Variants in OCM2 observed in about 807,000 individuals in gnomAD.
OCM2 encodes the protein oncomodulin-2.
Under a neutral mutation model 13.6 loss-of-function variants are expected in OCM2, and 6 were observed. That is an observed-to-expected ratio of 0.44 (90% CI 0.24 to 0.87). The LOEUF (loss-of-function observed/expected upper bound fraction) is 0.87, where lower values mean the gene tolerates loss of function less well. Ranked by LOEUF, OCM2 falls within the 40% of genes least tolerant of loss-of-function variation. The probability of loss-of-function intolerance (pLI) is 0.22; values close to 1 mark genes in which losing one functional copy is unlikely to be tolerated. For missense variants in OCM2, 118 were observed against 136.8 expected (o/e 0.86, Z 0.68); for synonymous variants, 40 against 50.7 (o/e 0.79, Z 0.90).
intron 1 of OCM2, among the ~76,000 whole-genome samples, 181 bp from the exon 2 acceptor site, chr7:97,988,729 G>A (rs1182148690): frequency 6.6e-6 from 1 of 151,136 alleles, no homozygotes; most frequent in East Asian, 1.9e-4. Flanking sequence ...GGCATCCCAT[G>A]TCCCCTCCGC....
chr7:97,985,635 C>G (rs1157831878), intron 3 of OCM2, among the ~76,000 whole-genome samples: 2 of 152,164 alleles, frequency 1.3e-5, no homozygotes, highest in African/African-American at 4.8e-5. Flanking sequence ...CTGTGACCAT[C>G]TGTGAACATT....
chr7:97,986,926 G>T, intron 3 of OCM2, 121 bp downstream of exon 3: 1 of 1,484,542 alleles, frequency 6.7e-7, no homozygotes, highest in Non-Finnish European at 9.1e-7. Flanking sequence ...TGAGAAGACT[G>T]AGGCTCGGTA....
At chr7:97,989,754 G>A (rs1214135786) in intron 1 of OCM2, among the ~76,000 whole-genome samples, 5 of 151,074 alleles carry the variant, frequency 3.3e-5, no homozygotes, top group African/African-American at 1.2e-4. Context: ...AAAAGGCCGG[G>A]TTCAAGCAAT....
Position 97,990,030 on chromosome 7 carries a change from C to CCCCACCCCACAAACA in OCM2, c.61+13_61+14insTGTTTGTGGGGTGGG. On this transcript the variant is annotated intron_variant, in intron 1 of 3. Coordinates refer to ENST00000257627, the Ensembl canonical transcript of OCM2. Reference sequence around the variant, plus strand: ...CTGTGAGGAAATCCCACCCCCGCCCCACGTCCCCTCTACCTTGGCATTCCT... The same window carrying CCCCACCCCACAAACA: ...CTGTGAGGAAATCCCACCCCCGCCCCCCCACCCCACAAACAACGTCCCCTCTACCTTGGCATTCCT... The CCCCACCCCACAAACA allele has an allele frequency of 4.5e-6, 7 of 1,571,146 alleles. No individual in the cohort carries two copies. The highest frequency in any genetic ancestry group is 1.1e-5 in the South Asian group (1 of 90,238).
chr7:97,987,793 G>A (rs1285222160), intron 2 of OCM2, among the ~76,000 whole-genome samples: 1 of 152,122 alleles, frequency 6.6e-6, no homozygotes, highest in Non-Finnish European at 1.5e-5. Flanking sequence ...AGCAATTCTT[G>A]TGCTTCAGTC....
chr7:97,984,864 G>A lies in OCM2; in HGVS notation c.*94C>T, dbSNP rs527679873. The A allele has an allele frequency of 1.5e-5, 19 of 1,291,138 alleles. No homozygotes were observed. The East Asian group carries it at 4.0e-4, about 27-fold the overall frequency. The allele number at this position is 1,291,138 out of a possible 1,614,324, so 80.0% of individuals were successfully genotyped here. A position where few individuals can be genotyped will look rare whatever the true frequency, so the allele number is the denominator to read the frequency against. On this transcript the variant is annotated 3_prime_UTR_variant, in exon 4 of 4. Coordinates refer to ENST00000257627, the Ensembl canonical transcript of OCM2. The stretch of plus-strand genomic sequence containing the variant: ...GTTTTCAGGGAAAATTAACAAATTA[G>A]GTAGGGATGGGATGTGGGGTTCCCC...
chr7:97,987,256 C>T lies in OCM2; in HGVS notation c.195-100G>A, dbSNP rs1246323653. ...TTAAGCATATCATCTGTTTCCAGCA[C>T]CTGCAATAATTAGCCAAGGTCTTAG... On this transcript the variant is annotated intron_variant, in intron 2 of 3. Transcript: ENST00000257627. 1.5e-4 allele frequency: 215 copies of T among 1,403,314 alleles called. No homozygotes were observed. In the South Asian group the frequency reaches 2.6e-3, roughly 17 times the overall value. 86.9% of individuals were successfully genotyped at this position (1,403,314 alleles called of 1,614,324 possible).
At chr7:97,985,675 G>C (rs1162006939) in intron 3 of OCM2, among the ~76,000 whole-genome samples, 1 of 152,154 alleles carries the variant, frequency 6.6e-6, no homozygotes, top group African/African-American at 2.4e-5. Context: ...AGGAAGGGGA[G>C]ATTTTCTTTC....
intron 2 of OCM2, among the ~76,000 whole-genome samples, chr7:97,987,554 T>G (rs998363621): frequency 2.0e-5 from 3 of 152,150 alleles, no homozygotes; most frequent in Non-Finnish European, 1.5e-5. Flanking sequence ...TTTGTCATGT[T>G]GCCCAGACTG....
chr7:97,990,016 T>TGGGGCC, intron 1 of OCM2, 28 bp downstream of exon 1: 100 of 1,083,712 alleles, frequency 9.2e-5, no homozygotes, highest in Non-Finnish European at 1.3e-4. Context: ...TGTGAGGAAA[T>TGGGGCC]CCCACCCCCG....
intron 3 of OCM2, among the ~76,000 whole-genome samples, chr7:97,985,431 A>AAAGAGAAAG (rs1554366494): frequency 7.6e-6 from 1 of 131,500 alleles, no homozygotes; most frequent in Non-Finnish European, 1.6e-5. Flanking sequence ...AAAAAAAAAA[A>AAAGAGAAAG]AAAGAAAGAA....
chr7:97,988,785 C>G (rs926779935), intron 1 of OCM2, among the ~76,000 whole-genome samples: 27 of 152,020 alleles, frequency 1.8e-4, no homozygotes, highest in African/African-American at 5.8e-4. Flanking sequence ...TTCCTTTTCC[C>G]TCCTCCTCTC....
At chr7:97,984,724 T>C in exon 4 of OCM2, 1 of 544,508 alleles carries the variant, frequency 1.8e-6, no homozygotes, top group Non-Finnish European at 3.3e-6. Context: ...TTTAGAGGCA[T>C]TGCCTGTTGG....
chr7:97,985,431 A>AGAAAGAAAG (rs1554366492), intron 3 of OCM2, among the ~76,000 whole-genome samples: 229 of 131,538 alleles, frequency 1.7e-3, no homozygotes, highest in African/African-American at 5.9e-3. Context: ...AAAAAAAAAA[A>AGAAAGAAAG]AAAGAAAGAA....
chr7:97,986,344 A>C (rs1484993818), intron 3 of OCM2, among the ~76,000 whole-genome samples: 1 of 151,628 alleles, frequency 6.6e-6, no homozygotes, highest in East Asian at 1.9e-4. Context: ...ATAAGCATCT[A>C]ACGTAGCAGT....
At chr7:97,987,211 TTTAGAC>T (rs1794681816) in intron 2 of OCM2, 55 bp from the exon 3 acceptor site, 5 of 1,603,348 alleles carry the variant, frequency 3.1e-6, no homozygotes, top group Non-Finnish European at 4.3e-6. Context: ...CATCCCTGTG[TTTAGAC>T]TTTTGTTTTT....
chr7:97,986,845 T>C (rs747794820), intron 3 of OCM2, among the ~76,000 whole-genome samples: 5 of 152,156 alleles, frequency 3.3e-5, no homozygotes, highest in Non-Finnish European at 7.4e-5. Context: ...AGCTTCTATA[T>C]ACCTACCGAG....
At chr7:97,990,059 G>A in exon 1 of OCM2, 1 of 1,608,252 alleles carries the variant, frequency 6.2e-7, no homozygotes, top group Non-Finnish European at 8.5e-7. Flanking sequence ...CATTCCTGGA[G>A]CGCTGCTGCA....
intron 1 of OCM2, 28 bp downstream of exon 1, chr7:97,990,016 T>TGGGACCCC: frequency 4.6e-6 from 5 of 1,083,838 alleles, no homozygotes; most frequent in African/African-American, 1.6e-5. Context: ...TGTGAGGAAA[T>TGGGACCCC]CCCACCCCCG....
Sources: allele counts gnomAD v4.1 joint callset (sites outside exome capture counted in the v4.1 genomes callset), GRCh38; gene constraint gnomAD v4.1.1; transcripts MANE v1.5; gene names NCBI Gene and HGNC (gene_info 2026-07-23, HGNC 2026-07-21).